HHIP: variants seen among roughly 807,000 people sequenced by gnomAD.
HHIP encodes hedgehog interacting protein.
HHIP carries 12 observed loss-of-function variants against 74.0 expected under a neutral mutation model. The observed-to-expected ratio is 0.16, with a 90% confidence interval of 0.10 to 0.26. HHIP has a LOEUF of 0.26. Among genes scored for constraint, HHIP ranks in the 10% least tolerant of loss-of-function variants. The pLI, the probability that HHIP is intolerant of heterozygous loss-of-function variation, is 1.00. For synonymous variants in HHIP, 309 were observed against 311.6 expected, an observed-to-expected ratio of 0.99 and a Z score of 0.09; for missense variants, 788 against 845.0, an observed-to-expected ratio of 0.93 and a Z score of 0.84.
At chr4:144,662,259 T>A (rs1454835887) in intron 4 of HHIP, among the ~76,000 whole-genome samples, 4 of 152,180 alleles carry the variant, frequency 2.6e-5, no homozygotes, top group African/African-American at 9.7e-5. Context: ...CTCTACCAAC[T>A]CTGATTCTTA....
At chr4:144,705,374 AT>A (rs911750929) in intron 4 of HHIP, among the ~76,000 whole-genome samples, 2 of 151,858 alleles carry the variant, frequency 1.3e-5, no homozygotes, top group South Asian at 4.2e-4. Context: ...AGTATTAGAG[AT>A]TTTTTTTTCT....
In HHIP at chr4:144,714,335, G is replaced by A. The variant is rs1488601687; in HGVS notation, c.1534G>A (p.Gly512Arg). The A allele has an allele frequency of 1.9e-6, 3 of 1,613,402 alleles. No homozygotes were observed. The highest frequency in any genetic ancestry group is 2.5e-6 in the Non-Finnish European group (3 of 1,179,546). The change falls in exon 9 of 13, where the codon GGA becomes AGA. Residue 512 changes from glycine (G) to arginine (R), a missense_variant. Coordinates refer to ENST00000296575, the MANE Select transcript of HHIP (RefSeq NM_022475.3). The part of the protein sequence containing the change: ...SERLYGSYVF[G>R]DRNGNFLTLQ... ...AAGATTGTATGGAAGCTACGTGTTT[G>A]GAGATCGTAATGGGTAGGTTTCCTG...
At chr4:144,723,768 G>A (rs1730704205) in intron 11 of HHIP, among the ~76,000 whole-genome samples, 2 of 152,162 alleles carry the variant, frequency 1.3e-5, no homozygotes, top group Non-Finnish European at 1.5e-5. Context: ...CTAGGGACTA[G>A]TTTTCAAACA....
intron 2 of HHIP, among the ~76,000 whole-genome samples, chr4:144,655,632 CAT>C (rs1728539111): frequency 6.6e-6 from 1 of 152,138 alleles, no homozygotes; most frequent in African/African-American, 2.4e-5. Context: ...TTAGCTTACA[CAT>C]GTGTCTTCTT....
At chr4:144,722,440 C>T (rs1232916548) in intron 11 of HHIP, among the ~76,000 whole-genome samples, 1 of 152,132 alleles carries the variant, frequency 6.6e-6, no homozygotes, top group African/African-American at 2.4e-5. Flanking sequence ...ATATTACATT[C>T]TTTAGTAATT....
rs1731195355 is a variant in HHIP at position 144,738,879 on chromosome 4, A to C, written c.*922A>C. 6.0e-6 allele frequency: 1 copy of C among 167,266 alleles called. No homozygotes were observed. Among genetic ancestry groups the C allele is most frequent in the Non-Finnish European group, 1.2e-5 (1 of 81,458 alleles). The allele number at this position is 167,266 out of a possible 1,614,324, so 10.4% of individuals were successfully genotyped here. A position where few individuals can be genotyped will look rare whatever the true frequency, so the allele number is the denominator to read the frequency against. Reference sequence around the variant, plus strand: ...TCCTTGTGCCAACATGTAATCATTAACGACGGATGAAAAAGCAAGAAAACA... The same window carrying C: ...TCCTTGTGCCAACATGTAATCATTACCGACGGATGAAAAAGCAAGAAAACA... On this transcript the variant is annotated 3_prime_UTR_variant, in exon 13 of 13. Coordinates refer to ENST00000296575, the MANE Select transcript of HHIP (RefSeq NM_022475.3).
chr4:144,727,123 C>T lies in HHIP; in HGVS notation c.1761-7618C>T, dbSNP rs1383166899. On this transcript the variant is annotated intron_variant, in intron 11 of 12. Coordinates refer to ENST00000296575, the MANE Select transcript of HHIP (RefSeq NM_022475.3). ...CAAAATACCTAGGTGGCTTAAACAA[C>T]AGACTTCTGATCGTACTGGAGGAAA... is the stretch of plus-strand genomic sequence containing the variant. 4.6e-5 allele frequency among the ~76,000 whole-genome samples: 7 copies of T among 152,192 alleles called. No homozygotes were observed. The South Asian group carries it at 1.0e-3, about 23-fold the overall frequency.
intron 4 of HHIP, among the ~76,000 whole-genome samples, chr4:144,681,448 CAG>C (rs1729339820): frequency 8.7e-6 from 1 of 114,344 alleles, no homozygotes; most frequent in Non-Finnish European, 1.7e-5. Flanking sequence ...TTTTTTGAGA[CAG>C]AGTCTCGCTC....
intron 4 of HHIP, among the ~76,000 whole-genome samples, chr4:144,672,203 G>A (rs1397292461): frequency 6.6e-6 from 1 of 152,032 alleles, no homozygotes; most frequent in Admixed American, 6.5e-5. Context: ...TAATAATACA[G>A]AAACCCAGTC....
intron 4 of HHIP, among the ~76,000 whole-genome samples, chr4:144,699,447 A>T (rs548891363): frequency 3.3e-4 from 50 of 152,246 alleles, no homozygotes; most frequent in African/African-American, 1.1e-3. Flanking sequence ...AGGAGGTTTC[A>T]TTACACAGAC....
At chr4:144,709,862 A>G (rs995300949) in intron 7 of HHIP, among the ~76,000 whole-genome samples, 3 of 152,188 alleles carry the variant, frequency 2.0e-5, no homozygotes, top group South Asian at 2.1e-4. Context: ...CCACACATGC[A>G]TAGTCTCTCG....
chr4:144,680,674 C>T (rs143666444), intron 4 of HHIP, among the ~76,000 whole-genome samples: 59 of 152,184 alleles, frequency 3.9e-4, no homozygotes, highest in Admixed American at 1.4e-3. Flanking sequence ...TCATTCATTG[C>T]GAGAATGATT....
At chr4:144,661,217 C>T (rs1305108956) in intron 4 of HHIP, 2 of 152,116 alleles carry the variant, frequency 1.3e-5, no homozygotes, top group Non-Finnish European at 2.9e-5. Context: ...ATATTCAGCT[C>T]TGACATGGAG....
intron 4 of HHIP, among the ~76,000 whole-genome samples, chr4:144,669,126 A>G (rs1728962913): frequency 6.6e-6 from 1 of 152,120 alleles, no homozygotes; most frequent in Admixed American, 6.6e-5. Context: ...TTAATTTTAA[A>G]GTCTGTAATT....
chr4:144,735,235 C>T (rs1037438035), intron 12 of HHIP, among the ~76,000 whole-genome samples: 3 of 152,148 alleles, frequency 2.0e-5, no homozygotes, highest in Non-Finnish European at 4.4e-5. Context: ...TTAGTGTTTG[C>T]AAAGCCCCTC....
At chr4:144,669,242 A>G (rs1728965955) in intron 4 of HHIP, among the ~76,000 whole-genome samples, 1 of 152,222 alleles carries the variant, frequency 6.6e-6, no homozygotes, top group Admixed American at 6.5e-5. Flanking sequence ...TGGACATTTC[A>G]GTCAAATATG....
Position 144,742,832 on chromosome 4 carries a change from G to GTTATATATATATCTTTATATATATATC in HHIP, c.*4892_*4918dup, listed in dbSNP as rs1560728896. ...TTATATATATGGTTATATATATTTG[G>GTTATATATATATCTTTATATATATATC]TTATATATATATCTTTATATATATA... On this transcript the variant is annotated 3_prime_UTR_variant, in exon 13 of 13. Transcript: ENST00000296575. The GTTATATATATATCTTTATATATATATC allele has an allele frequency of 8.2e-5, 11 of 134,354 alleles. No homozygotes were observed. The highest frequency in any genetic ancestry group is 3.1e-4 in the African/African-American group (11 of 35,916). 8.3% of individuals were successfully genotyped at this position (134,354 alleles called of 1,614,324 possible).
chr4:144,713,006 T>G (rs369891569), intron 8 of HHIP, among the ~76,000 whole-genome samples: 1 of 152,116 alleles, frequency 6.6e-6, no homozygotes. Flanking sequence ...TTGGCTACAT[T>G]TGTAGATTAA....
At chr4:144,707,671 T>A (rs1730184469) in intron 6 of HHIP, among the ~76,000 whole-genome samples, 1 of 25,084 alleles carries the variant, frequency 4.0e-5, no homozygotes, top group African/African-American at 1.1e-4. Context: ...AGTGTACTAC[T>A]GATGCCACAG....
Sources: gnomAD v4.1 joint callset for allele counts (sites outside exome capture counted in the v4.1 genomes callset) on GRCh38, gnomAD v4.1.1 for gene constraint, MANE v1.5 for transcripts, NCBI Gene and HGNC (gene_info 2026-07-23, HGNC 2026-07-21) for gene names.